Variants in UPF2 observed in about 807,000 individuals in gnomAD.
The protein encoded by UPF2 is UPF2 regulator of nonsense mediated mRNA decay.
UPF2 carries 17 observed loss-of-function variants against 141.4 expected under a neutral mutation model. That is an observed-to-expected ratio of 0.12 (90% CI 0.08 to 0.18). UPF2 has a LOEUF of 0.18. Ranked by LOEUF, UPF2 falls within the 10% of genes least tolerant of loss-of-function variation. The probability of loss-of-function intolerance (pLI) is 1.00; values close to 1 mark genes in which losing one functional copy is unlikely to be tolerated. For missense variants in UPF2, 1,152 were observed against 1,515.9 expected, an observed-to-expected ratio of 0.76 and a Z score of 3.99; for synonymous variants, 540 against 498.0, an observed-to-expected ratio of 1.08 and a Z score of -1.12.
At chr10:11,961,288 A>G (rs1184061000) in intron 11 of UPF2, among the ~76,000 whole-genome samples, 1 of 152,092 alleles carries the variant, frequency 6.6e-6, no homozygotes, top group Non-Finnish European at 1.5e-5. Context: ...TAGCATGAAC[A>G]ATAAGTACTG....
chr10:12,002,404 G>A (rs936727469), intron 5 of UPF2, among the ~76,000 whole-genome samples: 79 of 152,176 alleles, frequency 5.2e-4, no homozygotes, highest in African/African-American at 1.7e-3. Context: ...CTTACATGGC[G>A]TGAGGATCTA....
At chr10:11,977,650 T>C (rs1833528463) in intron 9 of UPF2, among the ~76,000 whole-genome samples, 1 of 152,316 alleles carries the variant, frequency 6.6e-6, no homozygotes, top group Non-Finnish European at 1.5e-5. Context: ...GTAAAACAGT[T>C]CCTTCTTTGT....
rs1379685189 is a variant in UPF2, at chr10:11,936,518, A to C, written c.3546+27T>G. Reference sequence around the variant, plus strand: ...CTAACTGTATAACTCACAATCAGCTATAATTACAGGGCGGGCAGTTTCTTA... The same window carrying C: ...CTAACTGTATAACTCACAATCAGCTCTAATTACAGGGCGGGCAGTTTCTTA... On this transcript the variant is annotated intron_variant, in intron 19 of 21. Coordinates refer to ENST00000357604, the MANE Select transcript of UPF2 (RefSeq NM_015542.4). This position sits in a 1 kb window ranked among gnomAD's most constrained non-coding sequence, Gnocchi z 6.6. The C allele has an allele frequency of 6.4e-7, 1 of 1,570,192 alleles. No homozygotes were observed. The highest frequency in any genetic ancestry group is 1.2e-5 in the South Asian group (1 of 82,220).
At chr10:11,967,845 G>A (rs1434840144) in intron 9 of UPF2, among the ~76,000 whole-genome samples, 2 of 152,056 alleles carry the variant, frequency 1.3e-5, no homozygotes, top group Admixed American at 6.5e-5. Context: ...GTGAGCCACC[G>A]TGCCCAGCCC....
chr10:11,993,731 C>A (rs994297041), intron 8 of UPF2, among the ~76,000 whole-genome samples: 1 of 151,866 alleles, frequency 6.6e-6, no homozygotes, highest in African/African-American at 2.4e-5. Flanking sequence ...CCTGCACTTT[C>A]GGAGGCCAAA....
intron 12 of UPF2, among the ~76,000 whole-genome samples, chr10:11,957,226 C>G (rs1453734291): frequency 1.3e-5 from 2 of 151,846 alleles, no homozygotes; most frequent in South Asian, 2.1e-4. Flanking sequence ...GTCAGGAGTT[C>G]GAGACTAGCC....
chr10:11,930,399 T>C (rs1832769092), intron 20 of UPF2, among the ~76,000 whole-genome samples: 1 of 152,192 alleles, frequency 6.6e-6, no homozygotes, highest in Admixed American at 6.5e-5. Context: ...TCTCAAAGAA[T>C]TGTTATGAGG....
rs1834223827 is a variant in UPF2, at chr10:12,016,565, G to A, written c.1146-2381C>T. On this transcript the variant is annotated intron_variant, in intron 3 of 21. Coordinates refer to ENST00000357604, the MANE Select transcript of UPF2 (RefSeq NM_015542.4). The surrounding 1 kb of genome is among the most constrained non-coding windows in gnomAD (Gnocchi z 4.1). ...AAAAATTAGCCGGGTGTGGTGGTAG[G>A]TGCCTGTAATCCCAGCTACTTGGGA... Among the ~76,000 whole-genome samples the A allele has an allele frequency of 1.3e-5, 2 of 151,984 alleles. No individual in the cohort carries two copies. The highest frequency in any genetic ancestry group is 1.3e-4 in the Admixed American group (2 of 15,226).
chr10:11,960,255 T>C (rs1833218031), intron 11 of UPF2, among the ~76,000 whole-genome samples: 1 of 152,168 alleles, frequency 6.6e-6, no homozygotes, highest in Admixed American at 6.5e-5. Flanking sequence ...TAAGTCATTT[T>C]AAAAACATCT....
chr10:12,007,240 A>C (rs989169420), intron 4 of UPF2, among the ~76,000 whole-genome samples: 1 of 152,232 alleles, frequency 6.6e-6, no homozygotes, highest in Non-Finnish European at 1.5e-5. Flanking sequence ...ATGAAGCTAG[A>C]GATATCTGAT....
At chr10:12,004,819 T>A in intron 4 of UPF2, 92 bp from the exon 5 acceptor site, 1 of 1,285,338 alleles carries the variant, frequency 7.8e-7, no homozygotes, top group Non-Finnish European at 1.1e-6. Context: ...TTACATCTAT[T>A]GAATCTTGAG....
chr10:11,984,440 T>G (rs1833653400), intron 8 of UPF2, among the ~76,000 whole-genome samples: 1 of 152,212 alleles, frequency 6.6e-6, no homozygotes, highest in African/African-American at 2.4e-5. Flanking sequence ...CTATTTTGAT[T>G]TTTCCAGGAA....
intron 3 of UPF2, among the ~76,000 whole-genome samples, chr10:12,022,903 T>G (rs1834343405): frequency 6.6e-6 from 1 of 152,196 alleles, no homozygotes; most frequent in African/African-American, 2.4e-5. Context: ...GCATTCTACT[T>G]AAATTTTTTT....
Position 11,964,086 on chromosome 10 carries a change from C to T in UPF2, c.2107G>A (p.Ala703Thr). 6.2e-7 allele frequency: 1 copy of T among 1,613,740 alleles called. No individual in the cohort carries two copies. Among genetic ancestry groups the T allele is most frequent in the South Asian group, 1.1e-5 (1 of 91,016 alleles). ...CCACATGTCTCCAGCAGGGTGCATG[C>T]CATTTCAATATGGTGATGAGAGAAG... The part of the protein sequence containing the change: ...SDFSHHHIEM[A>T]CTLLETCGRF... The change falls in exon 11 of 22, where the codon GCA becomes ACA. Residue 703 changes from alanine to threonine, a missense_variant. By Grantham distance (58) the Ala-to-Thr change is moderately conservative. Transcript: ENST00000357604.
intron 1 of UPF2, among the ~76,000 whole-genome samples, chr10:12,037,137 T>G (rs565700127): frequency 1.3e-5 from 2 of 152,306 alleles, no homozygotes; most frequent in South Asian, 2.1e-4. Context: ...CAGGCTGGAG[T>G]GCAGTGGCAC....
At position 11,929,914 on chromosome 10, in the gene UPF2, G is replaced by A; in HGVS notation, c.3760C>T (p.His1254Tyr). 6.2e-7 allele frequency: 1 copy of A among 1,614,244 alleles called. No individual in the cohort carries two copies. Among genetic ancestry groups the A allele is most frequent in the Non-Finnish European group, 8.5e-7 (1 of 1,180,050 alleles). Reference sequence around the variant, plus strand: ...TCTGCATTAGGTGCTCCCTTCGGATGTTGGTAGCGAGGCCGCCTCTCACGA... The same window carrying A: ...TCTGCATTAGGTGCTCCCTTCGGATATTGGTAGCGAGGCCGCCTCTCACGA... Reference protein sequence around the residue: ...TNRERRPRYQHPKGAPNADLI... With the variant: ...TNRERRPRYQYPKGAPNADLI... Residue 1254 changes from histidine to tyrosine, a missense_variant, in exon 21 of 22, where the codon CAT (histidine) becomes TAT (tyrosine). His to Tyr is a moderately conservative substitution (Grantham distance 83). Transcript: ENST00000357604.
intron 12 of UPF2, among the ~76,000 whole-genome samples, chr10:11,957,737 C>T (rs181833603): frequency 3.3e-5 from 5 of 152,228 alleles, no homozygotes; most frequent in East Asian, 1.9e-4. Flanking sequence ...AGGCTAGTCT[C>T]GAATTCCCGG....
chr10:11,929,918 G>A lies in UPF2; in HGVS notation c.3756C>T (p.Tyr1252=). The A allele has an allele frequency of 6.2e-7, 1 of 1,614,254 alleles. No homozygotes were observed. Among genetic ancestry groups the A allele is most frequent in the South Asian group, 1.1e-5 (1 of 91,084 alleles). Reference sequence around the variant, plus strand: ...CATTAGGTGCTCCCTTCGGATGTTGGTAGCGAGGCCGCCTCTCACGATTGG... The same window carrying A: ...CATTAGGTGCTCCCTTCGGATGTTGATAGCGAGGCCGCCTCTCACGATTGG... ...ANTNRERRPR[Y]QHPKGAPNAD... is the part of the protein sequence containing the mutation. Residue 1252 remains tyrosine, a synonymous_variant, in exon 21 of 22, where the codon TAC becomes TAT. Coordinates refer to ENST00000357604, the MANE Select transcript of UPF2 (RefSeq NM_015542.4).
At position 12,028,113 on chromosome 10, in the gene UPF2, C is replaced by T. The variant is rs569071447; in HGVS notation, c.1145+632G>A. On this transcript the variant is annotated intron_variant, in intron 3 of 21. Coordinates refer to ENST00000357604, the MANE Select transcript of UPF2 (RefSeq NM_015542.4). ...AGTAGTCTACCATACCTTTTAACAA[C>T]CAAAATTGGCCCCAAAGTCAGGTCT... Among the ~76,000 whole-genome samples the T allele has an allele frequency of 3.3e-5, 5 of 152,252 alleles. No homozygotes were observed. The East Asian group carries it at 9.6e-4, about 29-fold the overall frequency.
Sources: gnomAD v4.1 joint callset for allele counts (sites outside exome capture counted in the v4.1 genomes callset) on GRCh38, gnomAD v4.1.1 for gene constraint, Gnocchi (gnomAD v3.1) non-coding constraint, MANE v1.5 for transcripts, NCBI Gene and HGNC (gene_info 2026-07-23, HGNC 2026-07-21) for gene names.